LOX: variants seen among roughly 807,000 people sequenced by gnomAD.
The protein encoded by LOX is protein-lysine 6-oxidase.
In LOX, 12 loss-of-function variants were observed where a neutral mutation model predicts 50.5. The observed-to-expected ratio is 0.24, with a 90% confidence interval of 0.15 to 0.38. LOX has a LOEUF of 0.38. LOX is among the 10% of genes least tolerant of loss of function. LOX has a pLI of 1.00. For synonymous variants in LOX, 254 were observed against 230.6 expected, an observed-to-expected ratio of 1.10 and a Z score of -0.92; for missense variants, 504 against 563.8, an observed-to-expected ratio of 0.89 and a Z score of 1.07.
At position 122,076,967 on chromosome 5, in the gene LOX, G is replaced by C; in HGVS notation, c.666C>G (p.Ile222Met). 6.2e-7 allele frequency: 1 copy of C among 1,613,950 alleles called. No homozygotes were observed. The highest frequency in any genetic ancestry group is 8.5e-7 in the Non-Finnish European group (1 of 1,179,998). ...TCTTCTGCACGTACGTGGACGCCTG[G>C]ATGTAGTAGGGGTCGGCCACCAGGT... ...LPDLVADPYYIQASTYVQKMS... is the reference protein window; with the variant it reads ...LPDLVADPYYMQASTYVQKMS... Residue 222 changes from isoleucine (I) to methionine (M), a missense_variant, in exon 2 of 7, where the codon ATC becomes ATG. By Grantham distance (10) the Ile-to-Met change is conservative. Transcript: ENST00000231004.
intron 6 of LOX, 134 bp from the exon 7 acceptor site, chr5:122,066,883 G>T: frequency 1.6e-6 from 1 of 636,042 alleles, no homozygotes; most frequent in South Asian, 1.9e-5. Flanking sequence ...CAATCATGTT[G>T]TGAAATTATG....
At position 122,077,888 on chromosome 5, in the gene LOX, C is replaced by A; in HGVS notation, c.98G>T (p.Arg33Leu). 1 of 1,532,180 alleles carries A rather than the reference C, an allele frequency of 6.5e-7. No individual in the cohort carries two copies. 94.9% of individuals were successfully genotyped at this position (1,532,180 alleles called of 1,614,324 possible). A position where few individuals can be genotyped will look rare whatever the true frequency, so the allele number is the denominator to read the frequency against. The change falls in exon 1 of 7, where the codon CGC becomes CTC. Residue 33 changes from arginine (R) to leucine (L), a missense_variant. Coordinates refer to ENST00000231004, the MANE Select transcript of LOX (RefSeq NM_002317.7). The surrounding 1 kb of genome is among the most constrained non-coding windows in gnomAD (Gnocchi z 4.9). The stretch of plus-strand genomic sequence containing the variant: ...GGCGCCCGGAGCCGCCGGCGGCTCG[C>A]GCGGGGGCTGCTGTTGGCCGGCGGC... ...PPAAGQQQPP[R>L]EPPAAPGAWR...
intron 5 of LOX, 57 bp downstream of exon 5, chr5:122,070,430 ATCCAGAG>A: frequency 1.2e-6 from 1 of 863,984 alleles, no homozygotes; most frequent in Non-Finnish European, 1.9e-6. Flanking sequence ...TAACATTTGA[ATCCAGAG>A]AAGAGGGCCT....
chr5:122,067,032 C>A (rs1450814554), intron 6 of LOX, among the ~76,000 whole-genome samples: 1 of 152,050 alleles, frequency 6.6e-6, no homozygotes, highest in Non-Finnish European at 1.5e-5. Context: ...ACTTCTGGGA[C>A]CAGCATCCCT....
At chr5:122,072,465 G>A (rs1373524483) in intron 4 of LOX, among the ~76,000 whole-genome samples, 3 of 152,068 alleles carry the variant, frequency 2.0e-5, no homozygotes, top group Non-Finnish European at 4.4e-5. Context: ...TTTTAGTTTC[G>A]TATATATTTA....
chr5:122,068,353 C>G (rs2913396), intron 6 of LOX, among the ~76,000 whole-genome samples: 2 of 152,080 alleles, frequency 1.3e-5, no homozygotes, highest in Non-Finnish European at 2.9e-5. Flanking sequence ...CAACAGACCT[C>G]TCCAGACCTA....
rs752726099 is a variant in LOX at position 122,077,880 on chromosome 5, G to T, written c.106C>A (p.Pro36Thr). 1.1e-5 allele frequency: 17 copies of T among 1,535,996 alleles called. No individual in the cohort carries two copies. The highest frequency in any genetic ancestry group is 1.5e-5 in the Non-Finnish European group (17 of 1,146,962). Reference protein sequence around the residue: ...AGQQQPPREPPAAPGAWRQQI... With the variant: ...AGQQQPPREPTAAPGAWRQQI... ...TGGCGCCAGGCGCCCGGAGCCGCCG[G>T]CGGCTCGCGCGGGGGCTGCTGTTGG... is the stretch of plus-strand genomic sequence containing the variant. The change falls in exon 1 of 7, where the codon CCG (proline) becomes ACG (threonine). Residue 36 changes from proline (P) to threonine (T), a missense_variant. Physicochemically the swap from Pro to Thr is conservative, Grantham distance 38 (BLOSUM62 -1). This residue lies in a region of LOX where 398 missense variants were observed against 365.8 expected (regional missense o/e 1.09). Coordinates refer to ENST00000231004, the MANE Select transcript of LOX (RefSeq NM_002317.7). The surrounding 1 kb of genome is among the most constrained non-coding windows in gnomAD (Gnocchi z 4.9).
intron 3 of LOX, 103 bp downstream of exon 3, chr5:122,075,301 T>C (rs775060194): frequency 7.8e-5 from 83 of 1,070,046 alleles, no homozygotes; most frequent in Middle Eastern, 2.1e-4. Context: ...GTAATAGCAA[T>C]TTTCTCCCTT....
rs1754680291 is a variant in LOX, at chr5:122,077,700, C to T, written c.286G>A (p.Asp96Asn). ...QPRTPILLIR[D>N]NRTAAARTRT... ...GTTCGCGCCGCGGCGGTGCGGTTGT[C>T]GCGGATCAGCAGGATCGGAGTGCGG... Residue 96 changes from aspartate (D) to asparagine (N), a missense_variant, in exon 1 of 7, where the codon GAC (aspartate) becomes AAC (asparagine). Around this residue, in one of 2 missense-constraint regions of LOX, gnomAD observed 398 missense variants for 365.8 expected, o/e 1.09. Transcript: ENST00000231004. This position sits in a 1 kb window ranked among gnomAD's most constrained non-coding sequence, Gnocchi z 4.9. 6 of 1,594,808 alleles carry T rather than the reference C, an allele frequency of 3.8e-6. No homozygotes were observed. In the East Asian group the frequency reaches 9.0e-5, roughly 24 times the overall value.
At chr5:122,074,320 G>A in intron 3 of LOX, 151 bp from the exon 4 acceptor site, 1 of 619,192 alleles carries the variant, frequency 1.6e-6, no homozygotes. Context: ...TCATGCTAGG[G>A]TTTTTTTTTC....
chr5:122,076,426 A>G (rs1754635691), intron 2 of LOX, among the ~76,000 whole-genome samples: 1 of 152,204 alleles, frequency 6.6e-6, no homozygotes, highest in African/African-American at 2.4e-5. Flanking sequence ...GTAATACCAA[A>G]ACAACCAAGT....
At chr5:122,074,320 G>GA in intron 3 of LOX, 151 bp from the exon 4 acceptor site, 1 of 619,192 alleles carries the variant, frequency 1.6e-6, no homozygotes, top group Admixed American at 3.0e-5. Flanking sequence ...TCATGCTAGG[G>GA]TTTTTTTTTC....
intron 4 of LOX, 156 bp from the exon 5 acceptor site, chr5:122,070,745 T>C (rs1433118923): frequency 2.0e-6 from 1 of 507,040 alleles, no homozygotes; most frequent in Admixed American, 3.4e-5. Context: ...AAGTATTTAT[T>C]ACTCAGCCTT....
At position 122,077,492 on chromosome 5, in the gene LOX, C is replaced by T. The variant is rs780771761; in HGVS notation, c.494G>A (p.Gly165Asp). ...SNLRPPSRVDGMVGDDPYNPY... is the reference protein window; with the variant it reads ...SNLRPPSRVDDMVGDDPYNPY... ...GTTGTAAGGGTCGTCGCCCACCATG[C>T]CGTCCACGCGGCTGGGCGGCCGCAG... Residue 165 changes from glycine to aspartate, a missense_variant, in exon 1 of 7, where the codon GGC becomes GAC. Around this residue, in one of 2 missense-constraint regions of LOX, gnomAD observed 398 missense variants for 365.8 expected, o/e 1.09. Transcript: ENST00000231004. This position sits in a 1 kb window ranked among gnomAD's most constrained non-coding sequence, Gnocchi z 4.9. The T allele has an allele frequency of 6.2e-6, 10 of 1,613,936 alleles. No individual in the cohort carries two copies. In the South Asian group the frequency reaches 1.1e-4, roughly 18 times the overall value.
rs1257821615 is a variant in LOX, at chr5:122,077,780, C to T, written c.206G>A (p.Arg69His). 1.9e-6 allele frequency: 3 copies of T among 1,548,436 alleles called. No homozygotes were observed. Among genetic ancestry groups the T allele is most frequent in the South Asian group, 2.4e-5 (2 of 84,886 alleles). Reference protein sequence around the residue: ...SLGSQYQPQRRRDPGAAVPGA... With the variant: ...SLGSQYQPQRHRDPGAAVPGA... The stretch of plus-strand genomic sequence containing the variant: ...AGGGACGGCGGCGCCCGGGTCCCGG[C>T]GGCGCTGAGGCTGGTACTGTGAGCC... Residue 69 changes from arginine to histidine, a missense_variant, in exon 1 of 7, where the codon CGC becomes CAC. Coordinates refer to ENST00000231004, the MANE Select transcript of LOX (RefSeq NM_002317.7). This position sits in a 1 kb window ranked among gnomAD's most constrained non-coding sequence, Gnocchi z 4.9.
chr5:122,077,668 C>G lies in LOX; in HGVS notation c.318G>C (p.Thr106=), dbSNP rs201057470. 2 of 1,604,470 alleles carry G rather than the reference C, an allele frequency of 1.2e-6. No homozygotes were observed. Among genetic ancestry groups the G allele is most frequent in the Admixed American group, 1.7e-5 (1 of 59,274 alleles). The part of the protein sequence containing the change: ...DNRTAAARTR[T]AGSSGVTAGR... ...CAGCGGTGACTCCAGATGAGCCGGCCGTCCGCGTTCGCGCCGCGGCGGTGC... is the reference window on the plus strand; with the variant it reads ...CAGCGGTGACTCCAGATGAGCCGGCGGTCCGCGTTCGCGCCGCGGCGGTGC... The change falls in exon 1 of 7, where the codon ACG becomes ACC. Residue 106 remains threonine (T), a synonymous_variant. Coordinates refer to ENST00000231004, the MANE Select transcript of LOX (RefSeq NM_002317.7). The surrounding 1 kb of genome is among the most constrained non-coding windows in gnomAD (Gnocchi z 4.9).
intron 4 of LOX, among the ~76,000 whole-genome samples, chr5:122,071,630 TGA>T (rs1430757980): frequency 6.6e-6 from 1 of 152,226 alleles, no homozygotes; most frequent in Non-Finnish European, 1.5e-5. Context: ...GGTATATTCT[TGA>T]TTCCATTAGT....
chr5:122,067,012 G>A (rs1378823486), intron 6 of LOX, among the ~76,000 whole-genome samples: 1 of 152,094 alleles, frequency 6.6e-6, no homozygotes, highest in Non-Finnish European at 1.5e-5. Context: ...ACACTCAAGA[G>A]TACAGCAGGA....
Position 122,066,037 on chromosome 5 carries a change from ATTGGGCAGCTCCC to A in LOX, c.*693_*705del, listed in dbSNP as rs1046754689. On this transcript the variant is annotated 3_prime_UTR_variant, in exon 7 of 7. Coordinates refer to ENST00000231004, the MANE Select transcript of LOX (RefSeq NM_002317.7). The stretch of plus-strand genomic sequence containing the variant: ...GCAGCCTCAAGAAATATCAGACAGG[ATTGGGCAGCTCCC>A]TTACTTAATTTGTTCCAAAACAAAA... The A allele has an allele frequency of 1.5e-4, 23 of 152,086 alleles. No homozygotes were observed. Among genetic ancestry groups the A allele is most frequent in the African/African-American group, 5.6e-4 (23 of 41,430 alleles). 9.4% of individuals were successfully genotyped at this position (152,086 alleles called of 1,614,324 possible). A position where few individuals can be genotyped will look rare whatever the true frequency, so the allele number is the denominator to read the frequency against.
Sources: allele counts gnomAD v4.1 joint callset (sites outside exome capture counted in the v4.1 genomes callset), GRCh38; gene constraint gnomAD v4.1.1; regional missense constraint gnomAD v4.1.1; non-coding constraint Gnocchi (gnomAD v3.1); transcripts MANE v1.5; gene names NCBI Gene and HGNC (gene_info 2026-07-23, HGNC 2026-07-21).